Variants in BCAN observed in about 807,000 individuals in gnomAD.
BCAN encodes brevican core protein.
In BCAN, 51 loss-of-function variants were observed where a neutral mutation model predicts 92.4. The ratio of observed to expected loss-of-function variants is 0.55; its 90% confidence interval spans 0.44 to 0.70. The LOEUF (loss-of-function observed/expected upper bound fraction) is 0.70, where lower values mean the gene tolerates loss of function less well. Ranked by LOEUF, BCAN falls within the 30% of genes least tolerant of loss-of-function variation. The pLI is 0.00. For missense variants in BCAN, 1,140 were observed against 1,212.1 expected, an observed-to-expected ratio of 0.94 and a Z score of 0.88; for synonymous variants, 501 against 505.2, an observed-to-expected ratio of 0.99 and a Z score of 0.11.
In BCAN at chr1:156,658,705, C is replaced by T. The variant is rs1183659658; in HGVS notation, c.2600C>T (p.Pro867Leu). 6.2e-7 allele frequency: 1 copy of T among 1,614,082 alleles called. No homozygotes were observed. The highest frequency in any genetic ancestry group is 8.5e-7 in the Non-Finnish European group (1 of 1,180,034). ...CAAGAGAACGGTCGTTGGGAGGCCC[C>T]CCAGATCTCCTGTGTGCCCAGAAGA... is the stretch of plus-strand genomic sequence containing the variant. Reference protein sequence around the residue: ...RCQENGRWEAPQISCVPRRPA... With the variant: ...RCQENGRWEALQISCVPRRPA... Residue 867 changes from proline to leucine, a missense_variant, in exon 13 of 14, where the codon CCC (proline) becomes CTC (leucine). Physicochemically the swap from Pro to Leu is moderately conservative, Grantham distance 98 (BLOSUM62 -3). Around this residue, in one of 3 missense-constraint regions of BCAN, gnomAD observed 825 missense variants for 871.8 expected, o/e 0.95. Transcript: ENST00000329117. This position sits in a 1 kb window ranked among gnomAD's most constrained non-coding sequence, Gnocchi z 4.4.
At position 156,659,298 on chromosome 1, in the gene BCAN, C is replaced by G. The variant is rs761790353; in HGVS notation, c.*164C>G. 18 of 600,086 alleles carry G rather than the reference C, an allele frequency of 3.0e-5. No homozygotes were observed. The highest frequency in any genetic ancestry group is 4.9e-5 in the Non-Finnish European group (17 of 350,158). The allele number at this position is 600,086 out of a possible 1,614,324, so 37.2% of individuals were successfully genotyped here. Reference sequence around the variant, plus strand: ...GGGCTTCTGGGAAATACCTAGGAGGCTCCAGCCCAGCCCAGGCCCTCTCCC... The same window carrying G: ...GGGCTTCTGGGAAATACCTAGGAGGGTCCAGCCCAGCCCAGGCCCTCTCCC... On this transcript the variant is annotated 3_prime_UTR_variant, in exon 14 of 14. Coordinates refer to ENST00000329117, the MANE Select transcript of BCAN (RefSeq NM_021948.5).
intron 6 of BCAN, chr1:156,649,829 C>A (rs1679103881): frequency 1.9e-6 from 1 of 517,132 alleles, no homozygotes; most frequent in African/African-American, 1.9e-5. Context: ...CGGTCCTTCC[C>A]CAGTTTTAAG....
chr1:156,650,375 C>CT (rs1679120564), intron 6 of BCAN, among the ~76,000 whole-genome samples: 1 of 152,194 alleles, frequency 6.6e-6, no homozygotes, highest in Non-Finnish European at 1.5e-5. Flanking sequence ...CAGGGACTCA[C>CT]TGTCCTGTCT....
At position 156,657,599 on chromosome 1, in the gene BCAN, C is replaced by T. The variant is rs1679377867; in HGVS notation, c.2210-76C>T. 3 of 1,306,524 alleles carry T rather than the reference C, an allele frequency of 2.3e-6. No individual in the cohort carries two copies. In the African/African-American group the frequency reaches 4.5e-5, roughly 20 times the overall value. The allele number at this position is 1,306,524 out of a possible 1,614,324, so 80.9% of individuals were successfully genotyped here. On this transcript the variant is annotated intron_variant, in intron 10 of 13. Coordinates refer to ENST00000329117, the MANE Select transcript of BCAN (RefSeq NM_021948.5). ...CGGGGAAGGGTTTCCAAGGCAGTCA[C>T]CGCAGACCGCCCGGGAGCGGGGAAC...
In BCAN at chr1:156,658,442, T is replaced by G. The variant is rs1288082276; in HGVS notation, c.2438-101T>G. ...GTGGGTCCACTCGGAATCCCTGATC[T>G]TTTTTTGTCATGTTGTGGCCCATTT... On this transcript the variant is annotated intron_variant, in intron 12 of 13. Coordinates refer to ENST00000329117, the MANE Select transcript of BCAN (RefSeq NM_021948.5). This position sits in a 1 kb window ranked among gnomAD's most constrained non-coding sequence, Gnocchi z 4.4. 3.4e-6 allele frequency: 5 copies of G among 1,486,258 alleles called. No homozygotes were observed. The allele number at this position is 1,486,258 out of a possible 1,614,324, so 92.1% of individuals were successfully genotyped here.
Position 156,652,228 on chromosome 1 carries a change from A to G in BCAN, c.1298-20A>G. 6.4e-7 allele frequency: 1 copy of G among 1,567,686 alleles called. No individual in the cohort carries two copies. On this transcript the variant is annotated intron_variant, in intron 7 of 13. Coordinates refer to ENST00000329117, the MANE Select transcript of BCAN (RefSeq NM_021948.5). Reference sequence around the variant, plus strand: ...GGACAGACGCTGTCCCTGGTGCTGAACCGTTTGTGCTTTGCCTAGAATTTG... The same window carrying G: ...GGACAGACGCTGTCCCTGGTGCTGAGCCGTTTGTGCTTTGCCTAGAATTTG...
In BCAN at chr1:156,658,046, A is replaced by G; in HGVS notation, c.2293-81A>G. ...TCCCTCTCCTGGGGCCCCGCTCACCAGCCCTCCTCCCCAGATCCTCTAGGC... is the reference window on the plus strand; with the variant it reads ...TCCCTCTCCTGGGGCCCCGCTCACCGGCCCTCCTCCCCAGATCCTCTAGGC... On this transcript the variant is annotated intron_variant, in intron 11 of 13. Transcript: ENST00000329117. This position sits in a 1 kb window ranked among gnomAD's most constrained non-coding sequence, Gnocchi z 4.4. 1.3e-6 allele frequency: 2 copies of G among 1,521,374 alleles called. No individual in the cohort carries two copies. Among genetic ancestry groups the G allele is most frequent in the Admixed American group, 1.9e-5 (1 of 53,258 alleles). 94.2% of individuals were successfully genotyped at this position (1,521,374 alleles called of 1,614,324 possible).
chr1:156,644,659 T>C (rs1411902659), intron 1 of BCAN: 1 of 152,134 alleles, frequency 6.6e-6, no homozygotes, highest in Admixed American at 6.5e-5. Flanking sequence ...GGGGTTATGA[T>C]GGCAGGGAGG....
chr1:156,646,036 C>A lies in BCAN; in HGVS notation c.-8-11C>A. ...CTAACCCCATCTTTCCTTCTCATGT[C>A]CCTCTGTCAGCCTGCAGCATGGCCC... On this transcript the variant is annotated splice_polypyrimidine_tract_variant and intron_variant, in intron 1 of 13. Coordinates refer to ENST00000329117, the MANE Select transcript of BCAN (RefSeq NM_021948.5). 6.2e-7 allele frequency: 1 copy of A among 1,602,220 alleles called. No individual in the cohort carries two copies.
chr1:156,643,406 A>G (rs1678852383), intron 1 of BCAN: 1 of 152,162 alleles, frequency 6.6e-6, no homozygotes, highest in Admixed American at 6.5e-5. Flanking sequence ...GTGTAGGCTC[A>G]TGTTGCTCCT....
chr1:156,652,745 C>A lies in BCAN; in HGVS notation c.1795C>A (p.Arg599=). 2 of 1,605,326 alleles carry A rather than the reference C, an allele frequency of 1.2e-6. No homozygotes were observed. Among genetic ancestry groups the A allele is most frequent in the Non-Finnish European group, 1.7e-6 (2 of 1,174,492 alleles). ...EGAPSLLPAT[R]APEGTRELEA... ...TGCCCCTTCCCTGCTTCCAGCCACA[C>A]GGGCCCCTGAGGGTACCAGGGAGCT... The change falls in exon 8 of 14, where the codon CGG becomes AGG. Residue 599 remains arginine, a synonymous_variant. Transcript: ENST00000329117.
intron 1 of BCAN, among the ~76,000 whole-genome samples, chr1:156,645,270 C>A (rs1557985049): frequency 6.6e-6 from 1 of 152,190 alleles, no homozygotes. Context: ...GAGACAGGGG[C>A]TTTGTCCCAA....
chr1:156,649,173 C>T (rs1388773881), intron 6 of BCAN, among the ~76,000 whole-genome samples: 1 of 152,208 alleles, frequency 6.6e-6, no homozygotes, highest in Non-Finnish European at 1.5e-5. Flanking sequence ...AGCTTATTGG[C>T]AGAGCAAAGA....
At position 156,656,345 on chromosome 1, in the gene BCAN, G is replaced by T. The variant is rs138466651; in HGVS notation, c.2006G>T (p.Arg669Leu). Reference sequence around the variant, plus strand: ...TGCTTGGAGGAGGAGGAAGGGGTCCGCTGCCTATGTCTGCCTGGCTATGGG... The same window carrying T: ...TGCTTGGAGGAGGAGGAAGGGGTCCTCTGCCTATGTCTGCCTGGCTATGGG... ...GTCLEEEEGV[R>L]CLCLPGYGGD... The change falls in exon 9 of 14, where the codon CGC becomes CTC. Residue 669 changes from arginine to leucine, a missense_variant. Transcript: ENST00000329117. 2.1e-6 allele frequency: 3 copies of T among 1,418,180 alleles called. No individual in the cohort carries two copies. In the African/African-American group the frequency reaches 4.5e-5, roughly 21 times the overall value. 87.8% of individuals were successfully genotyped at this position (1,418,180 alleles called of 1,614,324 possible). A position where few individuals can be genotyped will look rare whatever the true frequency, so the allele number is the denominator to read the frequency against.
chr1:156,646,158 A>T lies in BCAN; in HGVS notation c.91+13A>T, dbSNP rs1376248747. The T allele has an allele frequency of 1.9e-6, 3 of 1,610,066 alleles. No homozygotes were observed. The highest frequency in any genetic ancestry group is 2.5e-6 in the Non-Finnish European group (3 of 1,176,816). On this transcript the variant is annotated intron_variant, in intron 2 of 13. Transcript: ENST00000329117. ...GGAGACAGCTCAGGTAAGCAACCCC[A>T]CTTGGGGTCACCGTCTCTGTCTTGT...
chr1:156,657,019 AG>A lies in BCAN; in HGVS notation c.2134del (p.Ala712GlnfsTer144). Reference protein sequence around the residue: ...KHFSTRRSWEEAETQCRMYGA... With the variant: ...KHFSTRRSWEXAETQCRMYGA... ...TTTTCCACACGAAGGAGCTGGGAGGAGGCAGAGACCCAGTGCCGGATGTACG... is the reference window on the plus strand; with the variant it reads ...TTTTCCACACGAAGGAGCTGGGAGGAGCAGAGACCCAGTGCCGGATGTACG... On this transcript the variant is annotated frameshift_variant, in exon 10 of 14. Transcript: ENST00000329117. LOFTEE classifies it high-confidence loss of function. The A allele has an allele frequency of 6.2e-7, 1 of 1,614,128 alleles. No individual in the cohort carries two copies. The highest frequency in any genetic ancestry group is 8.5e-7 in the Non-Finnish European group (1 of 1,180,008).
Position 156,652,771 on chromosome 1 carries a change from G to A in BCAN, c.1821G>A (p.Leu607=). ...GGGCCCCTGAGGGTACCAGGGAGCT[G>A]GAGGCCCCCTCTGAAGATAATTCTG... ...ATRAPEGTRE[L]EAPSEDNSGR... The change falls in exon 8 of 14, where the codon CTG becomes CTA. Residue 607 remains leucine (L), a synonymous_variant. Coordinates refer to ENST00000329117, the MANE Select transcript of BCAN (RefSeq NM_021948.5). 6.2e-7 allele frequency: 1 copy of A among 1,611,218 alleles called. No homozygotes were observed. Among genetic ancestry groups the A allele is most frequent in the Non-Finnish European group, 8.5e-7 (1 of 1,178,000 alleles).
intron 6 of BCAN, chr1:156,649,822 T>G: frequency 1.9e-6 from 1 of 516,732 alleles, no homozygotes; most frequent in Admixed American, 2.0e-5. Flanking sequence ...GGTGTCTCGG[T>G]CCTTCCCCAG....
In BCAN at chr1:156,657,155, C is replaced by T. The variant is rs1679363981; in HGVS notation, c.2209+59C>T. 4.4e-6 allele frequency: 7 copies of T among 1,579,010 alleles called. No homozygotes were observed. The Admixed American group carries it at 6.9e-5, about 15-fold the overall frequency. On this transcript the variant is annotated intron_variant, in intron 10 of 13. Coordinates refer to ENST00000329117, the MANE Select transcript of BCAN (RefSeq NM_021948.5). ...CCATATGCTCTCACTCTCTCTCACTCGCCTAACCGCCTTCCTCATTAACCC... is the reference window on the plus strand; with the variant it reads ...CCATATGCTCTCACTCTCTCTCACTTGCCTAACCGCCTTCCTCATTAACCC...
Sources: allele counts gnomAD v4.1 joint callset (sites outside exome capture counted in the v4.1 genomes callset), GRCh38; gene constraint gnomAD v4.1.1; regional missense constraint gnomAD v4.1.1; non-coding constraint Gnocchi (gnomAD v3.1); transcripts MANE v1.5; gene names NCBI Gene and HGNC (gene_info 2026-07-23, HGNC 2026-07-21).